The following OXR1 variants were observed in gnomAD, a reference collection of about 807,000 sequenced individuals.
The protein encoded by OXR1 is oxidation resistance 1.
Under a neutral mutation model 104.6 loss-of-function variants are expected in OXR1, and 41 were observed. That is an observed-to-expected ratio of 0.39 (90% CI 0.31 to 0.51). The LOEUF is 0.51. OXR1 is among the 20% of genes least tolerant of loss of function. OXR1 has a pLI of 0.77. For missense variants in OXR1, 955 were observed against 1,031.9 expected (o/e 0.93, Z 1.02); for synonymous variants, 348 against 348.4 (o/e 1.00, Z 0.01).
At chr8:106,344,583 C>T (rs193114436) in intron 1 of OXR1, among the ~76,000 whole-genome samples, 47 of 152,218 alleles carry the variant, frequency 3.1e-4, no homozygotes, top group African/African-American at 1.1e-3. Context: ...ATGATCCATC[C>T]GCCTCGGCCT....
At chr8:106,559,076 G>A (rs902826227) in intron 3 of OXR1, among the ~76,000 whole-genome samples, 1 of 152,154 alleles carries the variant, frequency 6.6e-6, no homozygotes, top group Middle Eastern at 3.4e-3. Context: ...GAGAAACCAT[G>A]CCACGCTCTC....
At chr8:106,311,977 T>C (rs925629607) in intron 1 of OXR1, among the ~76,000 whole-genome samples, 1 of 152,156 alleles carries the variant, frequency 6.6e-6, no homozygotes, top group African/African-American at 2.4e-5. Context: ...CCTCTGACTT[T>C]TATATCCTCA....
At chr8:106,724,552 C>T (rs774438320) in intron 11 of OXR1, among the ~76,000 whole-genome samples, 3 of 152,154 alleles carry the variant, frequency 2.0e-5, no homozygotes, top group Admixed American at 6.5e-5. Flanking sequence ...AGCAGCAGCA[C>T]CTGGGAATTT....
chr8:106,378,224 G>A (rs991697317), intron 2 of OXR1, among the ~76,000 whole-genome samples: 25 of 152,176 alleles, frequency 1.6e-4, no homozygotes, highest in African/African-American at 5.8e-4. Context: ...TGGAAATCAC[G>A]AGGACAAATA....
chr8:106,466,114 A>G (rs1226443356), intron 2 of OXR1, among the ~76,000 whole-genome samples: 2 of 151,934 alleles, frequency 1.3e-5, no homozygotes, highest in Admixed American at 1.3e-4. Context: ...TTTCCTTACT[A>G]TACCATTTGG....
intron 2 of OXR1, among the ~76,000 whole-genome samples, chr8:106,450,637 G>A (rs1488539125): frequency 1.3e-5 from 2 of 152,144 alleles, no homozygotes; most frequent in African/African-American, 4.8e-5. Flanking sequence ...ACTCCTTGTA[G>A]TGCCAACTAG....
At chr8:106,507,824 C>T (rs1670381) in intron 2 of OXR1, among the ~76,000 whole-genome samples, 2 of 151,914 alleles carry the variant, frequency 1.3e-5, no homozygotes, top group African/African-American at 4.8e-5. Flanking sequence ...TTCCTTTGTG[C>T]GTAAAATAGA....
chr8:106,619,000 G>T (rs562135237), intron 3 of OXR1, among the ~76,000 whole-genome samples: 3 of 152,108 alleles, frequency 2.0e-5, no homozygotes, highest in African/African-American at 7.2e-5. Context: ...AGGCGTGTAA[G>T]TAACCTCTTT....
intron 2 of OXR1, among the ~76,000 whole-genome samples, chr8:106,420,008 G>C (rs576834282): frequency 2.0e-5 from 3 of 152,052 alleles, no homozygotes; most frequent in Admixed American, 6.6e-5. Flanking sequence ...AGGAAGGAAA[G>C]CATTTTTATG....
chr8:106,384,049 GTAGT>G (rs751053808), intron 2 of OXR1, among the ~76,000 whole-genome samples: 1 of 152,148 alleles, frequency 6.6e-6, no homozygotes, highest in Non-Finnish European at 1.5e-5. Context: ...GTGTGCTATA[GTAGT>G]TAGATCACAT....
chr8:106,332,274 G>A (rs1247412960), intron 1 of OXR1, among the ~76,000 whole-genome samples: 1 of 152,072 alleles, frequency 6.6e-6, no homozygotes. Flanking sequence ...CCTTTGCCAT[G>A]TTTCTTCTTC....
chr8:106,382,759 T>C (rs748100254), intron 2 of OXR1, among the ~76,000 whole-genome samples: 1 of 148,714 alleles, frequency 6.7e-6, no homozygotes, highest in Non-Finnish European at 1.5e-5. Flanking sequence ...AGGCACTGTG[T>C]TAGGTGATCT....
intron 1 of OXR1, among the ~76,000 whole-genome samples, chr8:106,332,781 C>A (rs1814776275): frequency 6.6e-6 from 1 of 152,126 alleles, no homozygotes; most frequent in Non-Finnish European, 1.5e-5. Context: ...TTTCTTACTT[C>A]CTTCTTTTCT....
At chr8:106,342,257 T>C (rs979390119) in intron 1 of OXR1, among the ~76,000 whole-genome samples, 3 of 150,408 alleles carry the variant, frequency 2.0e-5, no homozygotes, top group East Asian at 1.9e-4. Context: ...TTTTTCTTTT[T>C]TTTTTTTTCT....
chr8:106,549,422 A>C (rs542881524), intron 3 of OXR1, among the ~76,000 whole-genome samples: 1 of 152,198 alleles, frequency 6.6e-6, no homozygotes, highest in Non-Finnish European at 1.5e-5. Flanking sequence ...ATATTAGCAA[A>C]TATGTATGAA....
chr8:106,516,784 GAGAA>G (rs1273810028), intron 2 of OXR1, among the ~76,000 whole-genome samples: 1 of 152,088 alleles, frequency 6.6e-6, no homozygotes. Flanking sequence ...TTTTAAGAGA[GAGAA>G]AGAGAGAGAC....
rs189297886 is a variant in OXR1 at position 106,700,720 on chromosome 8, A to G, written c.676-2186A>G. 2.7e-4 allele frequency among the ~76,000 whole-genome samples: 41 copies of G among 152,330 alleles called. No individual in the cohort carries two copies. In the East Asian group the frequency reaches 6.6e-3, roughly 24 times the overall value. ...GTATACTGAGGCTTTTCTGTCATAC[A>G]TAGCTAGTTATCACTGTCTTTGTGA... On this transcript the variant is annotated intron_variant, in intron 7 of 16. Transcript: ENST00000517566.
intron 1 of OXR1, among the ~76,000 whole-genome samples, chr8:106,307,781 C>G (rs948737713): frequency 6.6e-6 from 1 of 152,034 alleles, no homozygotes; most frequent in African/African-American, 2.4e-5. Flanking sequence ...ATGTAAGTGT[C>G]GAATTCTAAA....
intron 3 of OXR1, chr8:106,657,922 G>A: frequency 1.6e-6 from 2 of 1,247,260 alleles, no homozygotes; most frequent in Non-Finnish European, 2.0e-6. Flanking sequence ...CGCGCTAGTG[G>A]TGGCCGCCAC....
Sources: allele counts gnomAD v4.1 joint callset (sites outside exome capture counted in the v4.1 genomes callset), GRCh38; gene constraint gnomAD v4.1.1; transcripts MANE v1.5; gene names NCBI Gene and HGNC (gene_info 2026-07-23, HGNC 2026-07-21).